The following TEN1 variants were observed in gnomAD, a reference collection of about 807,000 sequenced individuals.
TEN1 encodes the protein CST complex subunit TEN1.
A neutral mutation model predicts 9.3 loss-of-function variants in TEN1; 6 were observed. The ratio of observed to expected loss-of-function variants is 0.65; its 90% CI spans 0.35 to 1.27. The LOEUF (loss-of-function observed/expected upper bound fraction) is 1.27, where lower values mean the gene tolerates loss of function less well. TEN1 is among the 50% of genes most tolerant of loss of function. TEN1 has a pLI of 0.03. For missense variants in TEN1, 149 were observed against 158.2 expected (o/e 0.94, Z 0.31); for synonymous variants, 65 against 65.6 (o/e 0.99, Z 0.04).
chr17:75,984,328 G>T (rs901903850), intron 1 of TEN1, among the ~76,000 whole-genome samples: 2 of 152,194 alleles, frequency 1.3e-5, no homozygotes, highest in Admixed American at 6.5e-5. Flanking sequence ...TGTGTTCCTT[G>T]TTCTGAAGAA....
intron 1 of TEN1, among the ~76,000 whole-genome samples, chr17:75,981,349 G>C (rs973793514): frequency 1.3e-5 from 2 of 151,988 alleles, no homozygotes; most frequent in African/African-American, 4.8e-5. Context: ...ACCACACTTG[G>C]CTAATTTTTG....
chr17:75,986,059 T>G, intron 1 of TEN1, 128 bp from the exon 2 acceptor site: 1 of 755,852 alleles, frequency 1.3e-6, no homozygotes, highest in South Asian at 2.5e-5. Context: ...TTTTTTTAAT[T>G]TTAAAACACT....
rs894946847 is a variant in TEN1, at chr17:75,979,487, C to T, written c.-31C>T. On this transcript the variant is annotated 5_prime_UTR_variant, in exon 1 of 4. Transcript: ENST00000397640. ...CCACGCGAGGCGGAAAGAAGAAATC[C>T]GAGGACCGGCGACGCCTAGAACAGG... The T allele has an allele frequency of 3.0e-6, 1 of 337,256 alleles. No individual in the cohort carries two copies. The highest frequency in any genetic ancestry group is 4.2e-5 in the Admixed American group (1 of 23,988). The allele number at this position is 337,256 out of a possible 1,614,324, so 20.9% of individuals were successfully genotyped here.
chr17:75,986,386 C>G (rs955622843), intron 2 of TEN1, 102 bp downstream of exon 2: 1 of 1,120,610 alleles, frequency 8.9e-7, no homozygotes. Flanking sequence ...ATAACTTCAT[C>G]TAATTATGTT....
At chr17:75,980,844 A>C (rs1031394248) in intron 1 of TEN1, among the ~76,000 whole-genome samples, 1 of 152,210 alleles carries the variant, frequency 6.6e-6, no homozygotes, top group African/African-American at 2.4e-5. Flanking sequence ...CTAGGACCTC[A>C]GGATCCTCAT....
At chr17:75,994,227 A>G (rs34156543) in intron 3 of TEN1, among the ~76,000 whole-genome samples, 75,621 of 151,266 alleles carry the variant, frequency 0.5, 22,481 homozygotes, top group African/African-American at 0.85. Context: ...CGGAGGTCGG[A>G]AATTCAAGAC....
intron 3 of TEN1, among the ~76,000 whole-genome samples, chr17:75,996,881 C>A (rs952897578): frequency 1.3e-5 from 2 of 152,128 alleles, no homozygotes; most frequent in Non-Finnish European, 2.9e-5. Flanking sequence ...CCAAACCACA[C>A]ACCCACAGAG....
chr17:75,985,547 G>A (rs935551946), intron 1 of TEN1, among the ~76,000 whole-genome samples: 3 of 152,074 alleles, frequency 2.0e-5, no homozygotes, highest in Non-Finnish European at 4.4e-5. Context: ...TTTTTGAGAC[G>A]GAGTCTCGCT....
chr17:75,988,095 C>T (rs1424783413), intron 2 of TEN1, among the ~76,000 whole-genome samples: 1 of 150,858 alleles, frequency 6.6e-6, no homozygotes, highest in Non-Finnish European at 1.5e-5. Flanking sequence ...CAAAAATTAG[C>T]CAGGTGTGGT....
intron 1 of TEN1, among the ~76,000 whole-genome samples, chr17:75,982,585 CTTTGT>C (rs1001081127): frequency 6.6e-6 from 1 of 152,078 alleles, no homozygotes; most frequent in African/African-American, 2.4e-5. Context: ...CATAGTTTTG[CTTTGT>C]TTTGTTTTGT....
At chr17:75,994,487 T>C (rs2066207072) in intron 3 of TEN1, among the ~76,000 whole-genome samples, 1 of 151,750 alleles carries the variant, frequency 6.6e-6, no homozygotes, top group Non-Finnish European at 1.5e-5. Flanking sequence ...TTATTTTTTG[T>C]GAGACGGAGT....
intron 2 of TEN1, among the ~76,000 whole-genome samples, chr17:75,991,165 AAAAG>A (rs2066183383): frequency 6.7e-5 from 10 of 150,106 alleles, no homozygotes; most frequent in African/African-American, 2.4e-4. Context: ...AAAAAAAAAA[AAAAG>A]AAAAAAGAAA....
In TEN1 at chr17:75,982,005, C is replaced by T. The variant is rs558762813; in HGVS notation, c.-7+2494C>T. 5.9e-5 allele frequency among the ~76,000 whole-genome samples: 9 copies of T among 152,128 alleles called. No homozygotes were observed. The South Asian group carries it at 1.5e-3, about 25-fold the overall frequency. Reference sequence around the variant, plus strand: ...TTGCACCACTGCATTCCAGCCTGGGCGACAGAGTGAGACTCTGTCTCAAAA... The same window carrying T: ...TTGCACCACTGCATTCCAGCCTGGGTGACAGAGTGAGACTCTGTCTCAAAA... On this transcript the variant is annotated intron_variant, in intron 1 of 3. Transcript: ENST00000397640.
intron 1 of TEN1, among the ~76,000 whole-genome samples, chr17:75,982,129 G>T (rs2066125370): frequency 6.6e-6 from 1 of 152,126 alleles, no homozygotes; most frequent in Admixed American, 6.6e-5. Context: ...TAGCTTGTTT[G>T]ACTGTAGGCC....
chr17:75,998,773 G>A (rs866304146), intron 3 of TEN1, among the ~76,000 whole-genome samples: 4 of 151,714 alleles, frequency 2.6e-5, no homozygotes, highest in Middle Eastern at 3.4e-3. Context: ...TCACTGCAAC[G>A]TCTGCCTCCC....
rs749108730 is a variant in TEN1, at chr17:75,988,240, C to CAAA, written c.92+1970_92+1972dup. 6.8e-3 allele frequency among the ~76,000 whole-genome samples: 606 copies of CAAA among 89,434 alleles called. 4 individuals carry two copies. The highest frequency in any genetic ancestry group is 0.037 in the Middle Eastern group (6 of 160). The allele number at this position is 89,434 out of a possible 152,430, so 58.7% of individuals were successfully genotyped here. A position where few individuals can be genotyped will look rare whatever the true frequency, so the allele number is the denominator to read the frequency against. On this transcript the variant is annotated intron_variant, in intron 2 of 3. Coordinates refer to ENST00000397640, the MANE Select transcript of TEN1 (RefSeq NM_001113324.3). ...GGGTGACAAGAGTGAAATTCGGCCT[C>CAAA]AAAAAAAAAAAAAAAAGAAGTATTT...
chr17:75,996,528 A>G (rs1433474935), intron 3 of TEN1, among the ~76,000 whole-genome samples: 3 of 151,652 alleles, frequency 2.0e-5, no homozygotes, highest in African/African-American at 7.3e-5. Context: ...AACATGGTGA[A>G]ACCCCGTCTC....
intron 2 of TEN1, among the ~76,000 whole-genome samples, chr17:75,988,963 G>A (rs2066168925): frequency 6.6e-6 from 1 of 151,442 alleles, no homozygotes; most frequent in Admixed American, 6.6e-5. Context: ...AGTAGAAACG[G>A]TGTTTCACCA....
chr17:75,989,163 G>A (rs193135662), intron 2 of TEN1, among the ~76,000 whole-genome samples: 285 of 145,108 alleles, frequency 2.0e-3, no homozygotes, highest in African/African-American at 6.9e-3. Flanking sequence ...GCAGTGGCGC[G>A]ATCTCAGCTC....
Sources: allele counts gnomAD v4.1 joint callset (sites outside exome capture counted in the v4.1 genomes callset), GRCh38; gene constraint gnomAD v4.1.1; transcripts MANE v1.5; gene names NCBI Gene and HGNC (gene_info 2026-07-23, HGNC 2026-07-21).